The following IGSF10 variants were observed in gnomAD, a reference collection of about 807,000 sequenced individuals.
The protein encoded by IGSF10 is immunoglobulin superfamily member 10.
In IGSF10, 126 loss-of-function variants were observed where a neutral mutation model predicts 128.2. The ratio of observed to expected loss-of-function variants is 0.98; its 90% CI spans 0.85 to 1.14. The LOEUF (loss-of-function observed/expected upper bound fraction) is 1.14, where lower values mean the gene tolerates loss of function less well. Ranked by LOEUF, IGSF10 falls within the 50% of genes most tolerant of loss-of-function variation. The probability of loss-of-function intolerance (pLI) is 0.00; values close to 1 mark genes in which losing one functional copy is unlikely to be tolerated. For missense variants in IGSF10, 3,295 were observed against 3,149.8 expected, an observed-to-expected ratio of 1.05 and a Z score of -1.10; for synonymous variants, 1,185 against 1,146.2, an observed-to-expected ratio of 1.03 and a Z score of -0.68.
chr3:151,451,078 G>C (rs1721488814), intron 5 of IGSF10, among the ~76,000 whole-genome samples: 1 of 152,056 alleles, frequency 6.6e-6, no homozygotes, highest in Non-Finnish European at 1.5e-5. Flanking sequence ...CACTGAGCCA[G>C]AGTTAGCAGG....
At chr3:151,495,447 T>A in the IGSF10 span, among the ~76,000 whole-genome samples, 9 of 152,160 alleles carry the variant, frequency 5.9e-5, no homozygotes, top group African/African-American at 2.2e-4. Flanking sequence ...CATGGCTTAT[T>A]CAATAAAAAC....
upstream of IGSF10, among the ~76,000 whole-genome samples, chr3:151,461,945 C>T (rs1309075785): frequency 1.3e-5 from 2 of 152,128 alleles, no homozygotes; most frequent in Non-Finnish European, 2.9e-5. Flanking sequence ...AATATTACAT[C>T]GTATATAGAT....
In IGSF10 at chr3:151,440,791, G is replaced by A. The variant is rs754317707; in HGVS notation, c.5963+2193C>T. Reference sequence around the variant, plus strand: ...GGCATCAGGATTCTTAGAATTTTCCGGATTAAAGGTTTCCATGTGCAGCAA... The same window carrying A: ...GGCATCAGGATTCTTAGAATTTTCCAGATTAAAGGTTTCCATGTGCAGCAA... On this transcript the variant is annotated intron_variant, in intron 7 of 7. Transcript: ENST00000282466. 403 of 354,450 alleles carry A rather than the reference G, an allele frequency of 1.1e-3. 2 individuals carry two copies. Among genetic ancestry groups the A allele is most frequent in the Non-Finnish European group, 1.5e-3 (264 of 176,314 alleles). The allele number at this position is 354,450 out of a possible 1,614,324, so 22.0% of individuals were successfully genotyped here.
the IGSF10 span, chr3:151,565,899 C>T: frequency 1.3e-5 from 2 of 151,816 alleles, no homozygotes; most frequent in Non-Finnish European, 2.9e-5. Flanking sequence ...TGGCATGACC[C>T]TCTCACCTGA....
At chr3:151,489,356 C>T in the IGSF10 span, among the ~76,000 whole-genome samples, 10 of 152,112 alleles carry the variant, frequency 6.6e-5, no homozygotes, top group South Asian at 2.1e-4. Flanking sequence ...AGAAATAGAA[C>T]GCTTTTACAC....
At chr3:151,571,532 G>T in the IGSF10 span, among the ~76,000 whole-genome samples, 1 of 152,172 alleles carries the variant, frequency 6.6e-6, no homozygotes, top group Non-Finnish European at 1.5e-5. Flanking sequence ...GTCTGTTATT[G>T]GTGTATAGGA....
chr3:151,446,893 C>G lies in IGSF10; in HGVS notation c.3088G>C (p.Val1030Leu). Reference protein sequence around the residue: ...GRIISPYRTPVLRRHRYSIFR... With the variant: ...GRIISPYRTPLLRRHRYSIFR... ...ATGCTGTATCTATGCCGTCGCAGAA[C>G]TGGAGTTCTATATGGGCTGATAATC... is the stretch of plus-strand genomic sequence containing the variant. The change falls in exon 6 of 8, where the codon GTT becomes CTT. Residue 1030 changes from valine to leucine, a missense_variant. By Grantham distance (32) the Val-to-Leu change is conservative. Coordinates refer to ENST00000282466, the MANE Select transcript of IGSF10 (RefSeq NM_178822.5). 1 of 1,614,128 alleles carries G rather than the reference C, an allele frequency of 6.2e-7. No homozygotes were observed. The highest frequency in any genetic ancestry group is 2.2e-5 in the East Asian group (1 of 44,888).
the IGSF10 span, among the ~76,000 whole-genome samples, chr3:151,493,391 C>A: frequency 1.3e-5 from 2 of 152,098 alleles, no homozygotes; most frequent in Admixed American, 1.3e-4. Context: ...TTTTGGTCAA[C>A]GATGGACCCC....
the IGSF10 span, among the ~76,000 whole-genome samples, chr3:151,552,812 A>T: frequency 6.6e-6 from 1 of 152,206 alleles, no homozygotes; most frequent in East Asian, 1.9e-4. Flanking sequence ...CCTAAAAGAA[A>T]TGACTGCAGT....
At chr3:151,450,895 C>CAA (rs35070766) in intron 5 of IGSF10, among the ~76,000 whole-genome samples, 19,312 of 55,100 alleles carry the variant, frequency 0.35, 3,741 homozygotes, top group Middle Eastern at 0.45. Context: ...AACTCTGTCT[C>CAA]AAAAAAAAAA....
chr3:151,461,068 G>A (rs1361319591), upstream of IGSF10: 2 of 985,428 alleles, frequency 2.0e-6, no homozygotes, highest in East Asian at 1.1e-4. Context: ...GAAGGAAGGC[G>A]GAGCGAGGGC....
chr3:151,454,586 GTTTT>G (rs143402800), intron 4 of IGSF10, among the ~76,000 whole-genome samples: 1 of 149,890 alleles, frequency 6.7e-6, no homozygotes, highest in East Asian at 2.0e-4. Context: ...TTTTTATAAG[GTTTT>G]TTTTTTAAGT....
At chr3:151,616,920 G>C in the IGSF10 span, among the ~76,000 whole-genome samples, 4 of 152,172 alleles carry the variant, frequency 2.6e-5, no homozygotes, top group African/African-American at 9.7e-5. Flanking sequence ...CCTTTTTACA[G>C]GTAAGGACCC....
At chr3:151,564,944 C>T in the IGSF10 span, among the ~76,000 whole-genome samples, 1 of 152,106 alleles carries the variant, frequency 6.6e-6, no homozygotes, top group South Asian at 2.1e-4. Context: ...AGGTATCAGT[C>T]CCTTTAACTC....
At chr3:151,562,445 T>C in the IGSF10 span, among the ~76,000 whole-genome samples, 1 of 152,092 alleles carries the variant, frequency 6.6e-6, no homozygotes, top group African/African-American at 2.4e-5. Context: ...CACTTAACCC[T>C]ATGGATTCAC....
In IGSF10 at chr3:151,445,897, G is replaced by C. The variant is rs1372461167; in HGVS notation, c.4084C>G (p.Pro1362Ala). 2 of 1,614,192 alleles carry C rather than the reference G, an allele frequency of 1.2e-6. No individual in the cohort carries two copies. Among genetic ancestry groups the C allele is most frequent in the East Asian group, 2.2e-5 (1 of 44,884 alleles). The change falls in exon 6 of 8, where the codon CCA (proline) becomes GCA (alanine). Residue 1362 changes from proline (P) to alanine (A), a missense_variant. Coordinates refer to ENST00000282466, the MANE Select transcript of IGSF10 (RefSeq NM_178822.5). Reference sequence around the variant, plus strand: ...GTAGTGAAGCCAGAACTCTGGTCTGGAGAGATGTTTGGGTCAGTCCTGTTC... The same window carrying C: ...GTAGTGAAGCCAGAACTCTGGTCTGCAGAGATGTTTGGGTCAGTCCTGTTC... ...KKNRTDPNIS[P>A]DQSSGFTTPT... is the part of the protein sequence containing the mutation.
intron 7 of IGSF10, among the ~76,000 whole-genome samples, chr3:151,442,547 A>ATTTTTTTTT (rs3975406): frequency 0.024 from 3,048 of 125,456 alleles, 138 homozygotes; most frequent in South Asian, 0.076. Context: ...TGCCCGGCTA[A>ATTTTTTTTT]TTTTTTTTTT....
At chr3:151,435,933 A>C (rs558598242), downstream of IGSF10, 3 of 152,096 alleles carry the variant, frequency 2.0e-5, no homozygotes, top group African/African-American at 7.2e-5. Context: ...ATTTCCTTAT[A>C]AACAGCTCCA....
At chr3:151,587,512 A>G in the IGSF10 span, among the ~76,000 whole-genome samples, 5 of 152,136 alleles carry the variant, frequency 3.3e-5, no homozygotes, top group Admixed American at 6.5e-5. Flanking sequence ...GCATTGAATC[A>G]GATTTTTTTT....
Sources: allele counts gnomAD v4.1 joint callset (sites outside exome capture counted in the v4.1 genomes callset), GRCh38; gene constraint gnomAD v4.1.1; transcripts MANE v1.5; gene names NCBI Gene and HGNC (gene_info 2026-07-23, HGNC 2026-07-21).